The following NIT1 variants were observed in gnomAD, a reference collection of about 807,000 sequenced individuals.
NIT1 encodes deaminated glutathione amidase.
A neutral mutation model predicts 36.8 loss-of-function variants in NIT1; 30 were observed. That is an observed-to-expected ratio of 0.82 (90% CI 0.61 to 1.11). NIT1 has a LOEUF of 1.11. Ranked by LOEUF, NIT1 falls within the 50% of genes least tolerant of loss-of-function variation. The pLI, the probability that NIT1 is intolerant of heterozygous loss-of-function variation, is 0.00. For missense variants in NIT1, 438 were observed against 410.6 expected, an observed-to-expected ratio of 1.07 and a Z score of -0.58; for synonymous variants, 151 against 155.6, an observed-to-expected ratio of 0.97 and a Z score of 0.22.
downstream of NIT1, chr1:161,123,296 A>G: frequency 7.1e-7 from 1 of 1,408,132 alleles, no homozygotes; most frequent in Non-Finnish European, 1.0e-6. Context: ...TGGAATGAGG[A>G]AGGAATCATT....
chr1:161,122,046 G>T, downstream of NIT1: 2 of 1,378,234 alleles, frequency 1.5e-6, no homozygotes, highest in South Asian at 1.5e-5. This position sits in a 1 kb window ranked among gnomAD's most constrained non-coding sequence, Gnocchi z 4.2. Context: ...AAAAAAGGCA[G>T]GGGTGTGATT....
At chr1:161,124,085 C>G (rs1368631267), downstream of NIT1, 1 of 1,584,386 alleles carries the variant, frequency 6.3e-7, no homozygotes, top group Admixed American at 1.7e-5. Flanking sequence ...TATGCTGCTC[C>G]TTCCTGGCCT....
chr1:161,122,051 G>A (rs1371715445), downstream of NIT1: 4 of 1,399,010 alleles, frequency 2.9e-6, no homozygotes, highest in Non-Finnish European at 3.8e-6. The surrounding 1 kb of genome is among the most constrained non-coding windows in gnomAD (Gnocchi z 4.2). Context: ...AGGCAGGGGT[G>A]TGATTGGTTG....
Position 161,120,210 on chromosome 1 carries a change from T to A in NIT1, c.695T>A (p.Ile232Asn). The part of the protein sequence containing the change: ...ILTYPSAFGS[I>N]TGPAHWEVLL... ...ACCTATCCTTCAGCTTTTGGATCCA[T>A]TACAGGCCCAGCCCACTGGGAGGTA... The change falls in exon 6 of 7, where the codon ATT (isoleucine) becomes AAT (asparagine). Residue 232 changes from isoleucine to asparagine, a missense_variant. By Grantham distance (149) the Ile-to-Asn change is moderately radical. Transcript: ENST00000368009. 2.5e-6 allele frequency: 4 copies of A among 1,614,092 alleles called. No individual in the cohort carries two copies. Among genetic ancestry groups the A allele is most frequent in the Non-Finnish European group, 3.4e-6 (4 of 1,179,992 alleles).
chr1:161,122,884 A>G (rs1366168865), downstream of NIT1: 2 of 1,032,374 alleles, frequency 1.9e-6, no homozygotes, highest in African/African-American at 1.6e-5. This position sits in a 1 kb window ranked among gnomAD's most constrained non-coding sequence, Gnocchi z 4.2. Context: ...TTAACTAACA[A>G]GAGTTGAAAT....
downstream of NIT1, chr1:161,123,170 C>T: frequency 6.2e-7 from 1 of 1,614,206 alleles, no homozygotes; most frequent in Non-Finnish European, 8.5e-7. Flanking sequence ...CCGCTTGCTA[C>T]ACATCTGAGG....
rs1557969181 is a variant in NIT1 at position 161,118,845 on chromosome 1, G to A, written c.62G>A (p.Arg21Gln). 10 of 1,614,002 alleles carry A rather than the reference G, an allele frequency of 6.2e-6. No homozygotes were observed. The highest frequency in any genetic ancestry group is 7.6e-6 in the Non-Finnish European group (9 of 1,179,940). ...RFLSLLCPGLRIPQLSVLCAQ... is the reference protein window; with the variant it reads ...RFLSLLCPGLQIPQLSVLCAQ... ...CTGTCCCTTCTGTGTCCTGGACTCCGGATACCTCAACTCTCAGTACTTTGT... is the reference window on the plus strand; with the variant it reads ...CTGTCCCTTCTGTGTCCTGGACTCCAGATACCTCAACTCTCAGTACTTTGT... Residue 21 changes from arginine to glutamine, a missense_variant, in exon 2 of 7, where the codon CGG becomes CAG. Physicochemically the swap from Arg to Gln is conservative, Grantham distance 43. Coordinates refer to ENST00000368009, the MANE Select transcript of NIT1 (RefSeq NM_005600.3).
downstream of NIT1, chr1:161,123,116 C>G (rs1433335418): frequency 1.2e-6 from 2 of 1,614,156 alleles, no homozygotes; most frequent in African/African-American, 1.3e-5. Flanking sequence ...CACTGACTTC[C>G]GGCGTTTTCG....
downstream of NIT1, chr1:161,122,478 G>A (rs1465749524): frequency 6.2e-7 from 1 of 1,614,184 alleles, no homozygotes; most frequent in Admixed American, 1.7e-5. The surrounding 1 kb of genome is among the most constrained non-coding windows in gnomAD (Gnocchi z 4.2). Flanking sequence ...GCCCTGCAGA[G>A]CAGTCTCATG....
chr1:161,124,430 C>T (rs775729600), downstream of NIT1: 34 of 1,606,328 alleles, frequency 2.1e-5, no homozygotes, highest in Non-Finnish European at 2.8e-5. Flanking sequence ...CTTCTGGCCA[C>T]ACCTGGCTTG....
At chr1:161,124,940 A>AC (rs1656003412), downstream of NIT1, 1 of 157,406 alleles carries the variant, frequency 6.4e-6, no homozygotes, top group East Asian at 1.9e-4. Context: ...TACAAAAAAG[A>AC]AAAAAATTAG....
At chr1:161,122,644 C>T, downstream of NIT1, 1 of 1,254,632 alleles carries the variant, frequency 8.0e-7, no homozygotes, top group East Asian at 2.4e-5. The surrounding 1 kb of genome is among the most constrained non-coding windows in gnomAD (Gnocchi z 4.2). Flanking sequence ...CTGACAGCTT[C>T]TCTACCTCTT....
intron 4 of NIT1, 57 bp downstream of exon 4, chr1:161,119,669 C>T (rs375470192): frequency 7.6e-7 from 1 of 1,314,638 alleles, no homozygotes; most frequent in East Asian, 2.4e-5. Flanking sequence ...CCTAGATTCT[C>T]CAGAATTGTT....
intron 5 of NIT1, 51 bp from the exon 6 acceptor site, chr1:161,120,056 C>A: frequency 6.2e-7 from 1 of 1,611,554 alleles, no homozygotes; most frequent in Non-Finnish European, 8.5e-7. Context: ...TGACTAGATG[C>A]TGTGACAAAC....
Position 161,119,289 on chromosome 1 carries a change from C to CT in NIT1, c.255dup (p.Glu86Ter). The CT allele has an allele frequency of 6.2e-7, 1 of 1,614,224 alleles. No individual in the cohort carries two copies. The highest frequency in any genetic ancestry group is 8.5e-7 in the Non-Finnish European group (1 of 1,180,050). On this transcript the variant is annotated frameshift_variant, in exon 3 of 7. Coordinates refer to ENST00000368009, the MANE Select transcript of NIT1 (RefSeq NM_005600.3). LOFTEE classifies it high-confidence loss of function. ...CTGGGTGCCTGCCTGGCTTTCCTGC[C>CT]TGAGGCATTTGACTTCATTGCACGG... is the stretch of plus-strand genomic sequence containing the variant.
At position 161,119,395 on chromosome 1, in the gene NIT1, G is replaced by C. The variant is rs1035507992; in HGVS notation, c.353+7G>C. 1 of 1,613,538 alleles carries C rather than the reference G, an allele frequency of 6.2e-7. No individual in the cohort carries two copies. The highest frequency in any genetic ancestry group is 1.3e-5 in the African/African-American group (1 of 75,038). ...AATACACCCAGCTTGCCAGGTATCA[G>C]GGAAATAGCGAGGGAGAGGTAGAAT... is the stretch of plus-strand genomic sequence containing the variant. On this transcript the variant is annotated splice_region_variant and intron_variant, in intron 3 of 6. Transcript: ENST00000368009.
intron 1 of NIT1, 181 bp from the exon 2 acceptor site, chr1:161,118,605 A>G (rs541894223): frequency 1.3e-6 from 2 of 1,534,830 alleles, no homozygotes; most frequent in Non-Finnish European, 1.7e-6. Context: ...CCCTTTCTCC[A>G]TCTTCCCACT....
At chr1:161,124,577 C>T (rs184617016), downstream of NIT1, 11 of 1,476,230 alleles carry the variant, frequency 7.5e-6, no homozygotes, top group African/African-American at 1.4e-4. Context: ...AGGAACTAGT[C>T]TCATGCATTC....
chr1:161,122,954 A>G (rs1468076183), downstream of NIT1: 2 of 1,592,306 alleles, frequency 1.3e-6, no homozygotes, highest in Non-Finnish European at 1.7e-6. The surrounding 1 kb of genome is among the most constrained non-coding windows in gnomAD (Gnocchi z 4.2). Flanking sequence ...ATTCAGCCTC[A>G]CTTTGCAATG....
Sources: allele counts gnomAD v4.1 joint callset, GRCh38; gene constraint gnomAD v4.1.1; non-coding constraint Gnocchi (gnomAD v3.1); transcripts MANE v1.5; gene names NCBI Gene and HGNC (gene_info 2026-07-23, HGNC 2026-07-21).